ARHGAP11A: variants seen among roughly 807,000 people sequenced by gnomAD.
ARHGAP11A encodes Rho GTPase activating protein 11A.
ARHGAP11A carries 36 observed loss-of-function variants against 60.5 expected under a neutral mutation model. That is an observed-to-expected ratio of 0.59 (90% CI 0.46 to 0.79). The LOEUF (loss-of-function observed/expected upper bound fraction) is 0.79. Ranked by LOEUF, ARHGAP11A falls within the 30% of genes least tolerant of loss-of-function variation. ARHGAP11A has a pLI of 0.00. For missense variants in ARHGAP11A, 1,071 were observed against 1,199.2 expected (o/e 0.89, Z 1.58); for synonymous variants, 362 against 415.5 (o/e 0.87, Z 1.57).
chr15:32,616,961 T>A (rs1299990289), intron 1 of ARHGAP11A, among the ~76,000 whole-genome samples: 1 of 151,838 alleles, frequency 6.6e-6, no homozygotes, highest in Non-Finnish European at 1.5e-5. Context: ...GGACAGTAAA[T>A]TTTTTTTTGT....
In ARHGAP11A at chr15:32,637,812, A is replaced by G. The variant is rs749186264; in HGVS notation, c.3039A>G (p.Gln1013=). ...GSPKHPIGKT[Q]LLPTSKPVDL The stretch of plus-strand genomic sequence containing the variant: ...CAAAACATCCTATCGGAAAAACTCA[A>G]TTACTACCAACAAGTAAACCTGTAG... The change falls in exon 12 of 12, where the codon CAA becomes CAG. Residue 1013 remains glutamine (Q), a synonymous_variant. Coordinates refer to ENST00000361627, the MANE Select transcript of ARHGAP11A (RefSeq NM_014783.6). The G allele has an allele frequency of 8.2e-5, 131 of 1,604,904 alleles. No homozygotes were observed. The highest frequency in any genetic ancestry group is 1.1e-4 in the Non-Finnish European group (128 of 1,177,116).
Position 32,634,001 on chromosome 15 carries a change from T to A in ARHGAP11A, c.1304T>A (p.Leu435Gln). The A allele has an allele frequency of 6.2e-7, 1 of 1,608,004 alleles. No individual in the cohort carries two copies. The highest frequency in any genetic ancestry group is 8.5e-7 in the Non-Finnish European group (1 of 1,178,362). Residue 435 changes from leucine (L) to glutamine (Q), a missense_variant, in exon 10 of 12, where the codon CTG becomes CAG. Physicochemically the swap from Leu to Gln is moderately radical, Grantham distance 113 (BLOSUM62 -2). This residue lies in a region of ARHGAP11A where 776 missense variants were observed against 760.2 expected (regional missense o/e 1.02). Coordinates refer to ENST00000361627, the MANE Select transcript of ARHGAP11A (RefSeq NM_014783.6). The part of the protein sequence containing the change: ...ISHKEKVRRS[L>Q]RLKFNLGKNG... ...CATAAAGAAAAGGTTCGAAGATCTC[T>A]GCGTTTGAAATTCAATCTAGGGAAA...
intron 6 of ARHGAP11A, among the ~76,000 whole-genome samples, 200 bp from the exon 7 acceptor site, chr15:32,628,528 T>A (rs753527568): frequency 6.6e-6 from 1 of 152,204 alleles, no homozygotes; most frequent in Non-Finnish European, 1.5e-5. Context: ...ATTTTAGGGA[T>A]ATGGAAGTAT....
chr15:32,616,420 A>G (rs185707570), intron 1 of ARHGAP11A, 80 bp downstream of exon 1: 31 of 1,590,454 alleles, frequency 1.9e-5, no homozygotes, highest in Middle Eastern at 1.9e-4. Flanking sequence ...TCGTGCTAAA[A>G]TGTTCACTCT....
chr15:32,635,346 T>C (rs918941330), intron 10 of ARHGAP11A, among the ~76,000 whole-genome samples: 10 of 152,256 alleles, frequency 6.6e-5, no homozygotes, highest in Non-Finnish European at 1.2e-4. Context: ...GTTTTACTTT[T>C]CTCCGTAGCA....
rs1202803930 is a variant in ARHGAP11A, at chr15:32,633,026, C to T, written c.1153C>T (p.Pro385Ser). 6.2e-7 allele frequency: 1 copy of T among 1,613,924 alleles called. No homozygotes were observed. Among genetic ancestry groups the T allele is most frequent in the Non-Finnish European group, 8.5e-7 (1 of 1,179,934 alleles). The change falls in exon 9 of 12, where the codon CCT becomes TCT. Residue 385 changes from proline (P) to serine (S), a missense_variant. By Grantham distance (74) the Pro-to-Ser change is moderately conservative. This residue lies in a region of ARHGAP11A where 776 missense variants were observed against 760.2 expected (regional missense o/e 1.02). Coordinates refer to ENST00000361627, the MANE Select transcript of ARHGAP11A (RefSeq NM_014783.6). ...AGGGTCATCTCAGAGTTCACTCTCT[C>T]CTGTACTCATTGGTGGAAACCATTT... Reference protein sequence around the residue: ...SEGSSQSSLSPVLIGGNHLIT... With the variant: ...SEGSSQSSLSSVLIGGNHLIT...
rs140742728 is a variant in ARHGAP11A, at chr15:32,619,962, A to C, written c.130-146A>C. 4,691 of 1,450,680 alleles carry C rather than the reference A, an allele frequency of 3.2e-3. 143 individuals are homozygous for C. The African/African-American group carries it at 0.059, about 18-fold the overall frequency. 89.9% of individuals were successfully genotyped at this position (1,450,680 alleles called of 1,614,324 possible). ...AATTATTTGTTATCAAATGCACTTGAAATGATTATTTTTGTCTTGATAGAT... is the reference window on the plus strand; with the variant it reads ...AATTATTTGTTATCAAATGCACTTGCAATGATTATTTTTGTCTTGATAGAT... On this transcript the variant is annotated intron_variant, in intron 1 of 11. Transcript: ENST00000361627.
chr15:32,617,893 T>G (rs911963449), intron 1 of ARHGAP11A, among the ~76,000 whole-genome samples: 3 of 152,328 alleles, frequency 2.0e-5, no homozygotes, highest in Admixed American at 1.3e-4. Context: ...TTCCCTAAGC[T>G]TCAGTTTTAT....
chr15:32,635,036 T>G (rs2053673769), intron 10 of ARHGAP11A, among the ~76,000 whole-genome samples: 1 of 152,204 alleles, frequency 6.6e-6, no homozygotes, highest in Non-Finnish European at 1.5e-5. Context: ...AGTTTTCTGC[T>G]CAGAACTCTC....
rs2053135362 is a variant in ARHGAP11A, at chr15:32,616,175, C to T, written c.-37C>T. The T allele has an allele frequency of 1.2e-6, 2 of 1,609,264 alleles. No homozygotes were observed. Among genetic ancestry groups the T allele is most frequent in the African/African-American group, 1.3e-5 (1 of 74,880 alleles). ...CTTGGTGGCGAACGAGGGTCAGGAC[C>T]TGCATCCTGCCTCAGAGAGTTATCG... On this transcript the variant is annotated 5_prime_UTR_variant, in exon 1 of 12. Transcript: ENST00000361627.
intron 10 of ARHGAP11A, among the ~76,000 whole-genome samples, chr15:32,635,251 T>A (rs1368216729): frequency 6.6e-6 from 1 of 152,242 alleles, no homozygotes; most frequent in African/African-American, 2.4e-5. Context: ...CTCACCTTTG[T>A]TTTGTTTTAC....
chr15:32,620,209 G>C (rs764986669), intron 2 of ARHGAP11A, 31 bp downstream of exon 2: 19 of 1,601,034 alleles, frequency 1.2e-5, no homozygotes, highest in African/African-American at 2.7e-5. Context: ...AGAAGGCCGG[G>C]TGCAGTGGCA....
intron 4 of ARHGAP11A, among the ~76,000 whole-genome samples, chr15:32,624,679 C>T (rs898441590): frequency 2.6e-4 from 40 of 152,014 alleles, no homozygotes; most frequent in Non-Finnish European, 4.7e-4. Context: ...CCACTGAAAG[C>T]CTTTGTTTAC....
chr15:32,637,818 A>T lies in ARHGAP11A; in HGVS notation c.3045A>T (p.Leu1015=). The T allele has an allele frequency of 1.9e-6, 3 of 1,603,056 alleles. No individual in the cohort carries two copies. The East Asian group carries it at 6.7e-5, about 36-fold the overall frequency. The change falls in exon 12 of 12, where the codon CTA becomes CTT. Residue 1015 remains leucine, a synonymous_variant. Coordinates refer to ENST00000361627, the MANE Select transcript of ARHGAP11A (RefSeq NM_014783.6). The stretch of plus-strand genomic sequence containing the variant: ...ATCCTATCGGAAAAACTCAATTACT[A>T]CCAACAAGTAAACCTGTAGATTTGT... The part of the protein sequence containing the change: ...PKHPIGKTQL[L]PTSKPVDL
intron 6 of ARHGAP11A, among the ~76,000 whole-genome samples, chr15:32,625,967 C>T (rs2053449391): frequency 6.6e-6 from 1 of 151,828 alleles, no homozygotes; most frequent in African/African-American, 2.4e-5. Flanking sequence ...GTATCCTATT[C>T]TAGATGAGAA....
intron 10 of ARHGAP11A, among the ~76,000 whole-genome samples, chr15:32,635,068 T>G (rs1485451948): frequency 6.6e-6 from 1 of 152,252 alleles, no homozygotes; most frequent in Admixed American, 6.5e-5. Context: ...CGTTTCACTC[T>G]GAATAAAAGC....
At chr15:32,618,745 C>G (rs946320743) in intron 1 of ARHGAP11A, among the ~76,000 whole-genome samples, 3 of 147,304 alleles carry the variant, frequency 2.0e-5, no homozygotes, top group Non-Finnish European at 4.4e-5. Context: ...ACCATCCTAG[C>G]TAACACGGTG....
Position 32,637,943 on chromosome 15 carries a change from T to A in ARHGAP11A, c.*98T>A, listed in dbSNP as rs2053763794. On this transcript the variant is annotated 3_prime_UTR_variant, in exon 12 of 12. Transcript: ENST00000361627. ...GTTAGTTTGTAGCTCAGGATGATTG[T>A]TAAGCAATAGATTTGCTCTATTGAA... The A allele has an allele frequency of 1.9e-6, 2 of 1,060,348 alleles. No homozygotes were observed. Among genetic ancestry groups the A allele is most frequent in the African/African-American group, 3.2e-5 (2 of 62,286 alleles). 65.7% of individuals were successfully genotyped at this position (1,060,348 alleles called of 1,614,324 possible).
Position 32,625,585 on chromosome 15 carries a change from T to C in ARHGAP11A, c.814T>C (p.Tyr272His), listed in dbSNP as rs1348634002. 1 of 1,613,914 alleles carries C rather than the reference T, an allele frequency of 6.2e-7. No homozygotes were observed. The highest frequency in any genetic ancestry group is 1.1e-5 in the South Asian group (1 of 91,066). Residue 272 changes from tyrosine (Y) to histidine (H), a missense_variant, in exon 6 of 12, where the codon TAT becomes CAT. Tyr to His is a moderately conservative substitution (Grantham distance 83). This residue lies in a region of ARHGAP11A where 196 missense variants were observed against 272.1 expected (regional missense o/e 0.72). Transcript: ENST00000361627. ...PSLEGFEEGEYETPGEYKRKR... is the reference protein window; with the variant it reads ...PSLEGFEEGEHETPGEYKRKR... ...ACTGGAAGGCTTTGAAGAAGGTGAATATGAAACTCCTGGTGAATATAAGAG... is the reference window on the plus strand; with the variant it reads ...ACTGGAAGGCTTTGAAGAAGGTGAACATGAAACTCCTGGTGAATATAAGAG...
Sources: gnomAD v4.1 joint callset for allele counts (sites outside exome capture counted in the v4.1 genomes callset) on GRCh38, gnomAD v4.1.1 for gene constraint, gnomAD v4.1.1 regional missense constraint, MANE v1.5 for transcripts, NCBI Gene and HGNC (gene_info 2026-07-23, HGNC 2026-07-21) for gene names.